The following NRXN1 variants were observed in gnomAD, a reference collection of about 807,000 sequenced individuals.
NRXN1 encodes neurexin 1.
In NRXN1, 39 loss-of-function variants were observed where a neutral mutation model predicts 150.9. That is an observed-to-expected ratio of 0.26 (90% CI 0.20 to 0.34). The LOEUF is 0.34. NRXN1 is among the 10% of genes least tolerant of loss of function. NRXN1 has a pLI of 1.00. For missense variants in NRXN1, 1,815 were observed against 1,949.9 expected (o/e 0.93, Z 1.30); for synonymous variants, 924 against 757.0 (o/e 1.22, Z -3.62).
intron 12 of NRXN1, among the ~76,000 whole-genome samples, chr2:50,507,624 T>C (rs1195027832): frequency 9.5e-6 from 1 of 104,790 alleles, no homozygotes. Flanking sequence ...AGTTAGACTA[T>C]ATCCGTCACC....
intron 5 of NRXN1, among the ~76,000 whole-genome samples, chr2:50,676,635 C>T (rs1459208372): frequency 1.3e-5 from 2 of 152,088 alleles, no homozygotes; most frequent in Non-Finnish European, 2.9e-5. Context: ...GCTAACCATT[C>T]AGTAAATGTT....
chr2:50,863,854 C>A (rs1362439326), intron 5 of NRXN1, among the ~76,000 whole-genome samples: 8 of 152,058 alleles, frequency 5.3e-5, no homozygotes, highest in South Asian at 4.1e-4. Flanking sequence ...AGGGCCTATG[C>A]GCATTAAAAA....
chr2:50,340,483 C>T (rs1446321773), intron 17 of NRXN1, among the ~76,000 whole-genome samples: 36 of 152,230 alleles, frequency 2.4e-4, no homozygotes, highest in Admixed American at 6.5e-5. Flanking sequence ...CTGACCACCA[C>T]GCCATGGCTC....
intron 2 of NRXN1, among the ~76,000 whole-genome samples, chr2:50,934,961 C>G (rs1172392588): frequency 1.3e-5 from 2 of 152,008 alleles, no homozygotes; most frequent in South Asian, 2.1e-4. Flanking sequence ...AACGCTGAAC[C>G]TATTTTGATT....
chr2:50,269,912 A>G (rs114917062), intron 17 of NRXN1, among the ~76,000 whole-genome samples: 2,051 of 152,314 alleles, frequency 0.013, 55 homozygotes, highest in African/African-American at 0.046. Flanking sequence ...TAAGGAATTT[A>G]TAAACTCAGA....
intron 21 of NRXN1, among the ~76,000 whole-genome samples, chr2:50,001,748 C>T (rs1270609770): frequency 6.6e-6 from 1 of 152,114 alleles, no homozygotes; most frequent in African/African-American, 2.4e-5. Flanking sequence ...CACACACATA[C>T]TGTTGTAAAC....
chr2:50,260,260 C>T (rs982260520), intron 17 of NRXN1, among the ~76,000 whole-genome samples: 7 of 151,846 alleles, frequency 4.6e-5, no homozygotes, highest in Admixed American at 2.6e-4. Flanking sequence ...AAACCCTCTA[C>T]TTCTGCCTAT....
intron 18 of NRXN1, among the ~76,000 whole-genome samples, chr2:50,135,939 C>G (rs940212719): frequency 2.0e-5 from 3 of 152,162 alleles, no homozygotes; most frequent in Admixed American, 6.5e-5. Flanking sequence ...ATTCCATTGT[C>G]TCATTTTCAT....
chr2:50,613,432 C>G (rs188894658), intron 8 of NRXN1, among the ~76,000 whole-genome samples: 162 of 152,198 alleles, frequency 1.1e-3, no homozygotes, highest in South Asian at 2.5e-3. Context: ...CCAGCTGACA[C>G]AACAAAATGA....
chr2:50,159,235 T>A (rs2059217953), intron 18 of NRXN1, among the ~76,000 whole-genome samples: 3 of 152,288 alleles, frequency 2.0e-5, no homozygotes, highest in Middle Eastern at 3.4e-3. Flanking sequence ...AACCAACAGA[T>A]GCTCAAAAGT....
intron 18 of NRXN1, among the ~76,000 whole-genome samples, chr2:50,200,422 T>A (rs1162257088): frequency 6.6e-6 from 1 of 152,168 alleles, no homozygotes. Context: ...GAGATACTAG[T>A]CTTGACCTAA....
chr2:50,132,614 T>A (rs1277913679), intron 18 of NRXN1, among the ~76,000 whole-genome samples: 1 of 152,080 alleles, frequency 6.6e-6, no homozygotes, highest in Non-Finnish European at 1.5e-5. Context: ...CCAGCTCTTA[T>A]CTTTTTAAAA....
chr2:50,115,521 C>G (rs977612617), intron 18 of NRXN1, among the ~76,000 whole-genome samples: 13 of 152,012 alleles, frequency 8.6e-5, no homozygotes, highest in African/African-American at 2.9e-4. Context: ...TGGCTTGAAA[C>G]TTATTATGGT....
At chr2:50,061,828 T>C (rs1200801503) in intron 19 of NRXN1, among the ~76,000 whole-genome samples, 1 of 152,210 alleles carries the variant, frequency 6.6e-6, no homozygotes, top group Non-Finnish European at 1.5e-5. Context: ...TCACTGAAAA[T>C]GTCAGTGACA....
At chr2:49,951,855 A>G (rs981069920) in intron 21 of NRXN1, among the ~76,000 whole-genome samples, 1 of 151,998 alleles carries the variant, frequency 6.6e-6, no homozygotes, top group Admixed American at 6.6e-5. Context: ...CCCTTTCGGT[A>G]AAAGGCCAAA....
In NRXN1 at chr2:50,843,585, T is replaced by C. The variant is rs113253309; in HGVS notation, c.832+78284A>G. Among the ~76,000 whole-genome samples the C allele has an allele frequency of 6.9e-3, 1,055 of 152,332 alleles. 13 individuals carry two copies. The highest frequency in any genetic ancestry group is 0.024 in the African/African-American group (1,011 of 41,568). ...TTCACTTCATTTCATTTCATTTCAT[T>C]GGTAATGGGTGGAAGCCCATGCAGT... On this transcript the variant is annotated intron_variant, in intron 5 of 22. Coordinates refer to ENST00000401669, the MANE Select transcript of NRXN1 (RefSeq NM_001330078.2).
chr2:50,143,735 C>G (rs990399667), intron 18 of NRXN1, among the ~76,000 whole-genome samples: 1 of 150,888 alleles, frequency 6.6e-6, no homozygotes, highest in Non-Finnish European at 1.5e-5. Context: ...AATCATGCCT[C>G]CCACTTCTTC....
At chr2:50,771,722 G>A (rs946107830) in intron 5 of NRXN1, among the ~76,000 whole-genome samples, 2 of 152,094 alleles carry the variant, frequency 1.3e-5, no homozygotes, top group Non-Finnish European at 2.9e-5. Context: ...AGGATGCTAC[G>A]AGTTTCCAGG....
At chr2:50,946,537 A>G (rs917693580) in intron 2 of NRXN1, among the ~76,000 whole-genome samples, 1 of 152,144 alleles carries the variant, frequency 6.6e-6, no homozygotes, top group Admixed American at 6.6e-5. Context: ...TGGGTGTGAG[A>G]AAACTGCCCT....
Sources: gnomAD v4.1 joint callset for allele counts (sites outside exome capture counted in the v4.1 genomes callset) on GRCh38, gnomAD v4.1.1 for gene constraint, MANE v1.5 for transcripts, NCBI Gene and HGNC (gene_info 2026-07-23, HGNC 2026-07-21) for gene names.